Variants in KCNK17 observed in about 807,000 individuals in gnomAD.
KCNK17 encodes the protein potassium channel subfamily K member 17.
In KCNK17, 27 loss-of-function variants were observed where a neutral mutation model predicts 24.6. That is an observed-to-expected ratio of 1.10 (90% CI 0.81 to 1.51). The LOEUF is 1.51. Ranked by LOEUF, KCNK17 falls within the 40% of genes most tolerant of loss-of-function variation. The pLI is 0.00. For missense variants in KCNK17, 450 were observed against 436.6 expected (o/e 1.03, Z -0.27); for synonymous variants, 181 against 189.8 (o/e 0.95, Z 0.38).
intron 1 of KCNK17, among the ~76,000 whole-genome samples, chr6:39,312,233 G>A (rs1762152646): frequency 2.0e-5 from 3 of 152,214 alleles, no homozygotes; most frequent in Admixed American, 2.0e-4. Context: ...GCAGGGCTGG[G>A]AGGAGGAGGA....
intron 4 of KCNK17, chr6:39,300,487 C>G: frequency 6.4e-7 from 1 of 1,551,222 alleles, no homozygotes; most frequent in Non-Finnish European, 8.7e-7. Flanking sequence ...TTGCCAGTCT[C>G]TGTTTGGTTT....
Position 39,304,003 on chromosome 6 carries a change from G to A in KCNK17, c.642C>T (p.Phe214=), listed in dbSNP as rs140940240. The A allele has an allele frequency of 5.9e-4, 954 of 1,613,846 alleles. 3 individuals carry two copies. The African/African-American group carries it at 0.011, about 19-fold the overall frequency. The change falls in exon 4 of 5, where the codon TTC becomes TTT. Residue 214 remains phenylalanine, a synonymous_variant. Transcript: ENST00000373231. ...EGWSYTEGFY[F]AFITLSTVGF... is the part of the protein sequence containing the mutation. ...CCACGGTGCTGAGGGTGATGAAGGC[G>A]AAGTAGAAGCCCTCTGTGTAGCTCC...
intron 2 of KCNK17, among the ~76,000 whole-genome samples, chr6:39,307,184 T>C (rs1408888794): frequency 6.6e-6 from 1 of 151,882 alleles, no homozygotes; most frequent in Non-Finnish European, 1.5e-5. Context: ...CAGTGGGGGG[T>C]AATGATGAAA....
chr6:39,301,781 C>A (rs1761955602), intron 4 of KCNK17, among the ~76,000 whole-genome samples: 1 of 152,196 alleles, frequency 6.6e-6, no homozygotes, highest in Non-Finnish European at 1.5e-5. Context: ...AGCCTTCAGG[C>A]AGAGGAGTGG....
chr6:39,311,202 G>T (rs1048847263), intron 1 of KCNK17, among the ~76,000 whole-genome samples, 195 bp from the exon 2 acceptor site: 2 of 151,866 alleles, frequency 1.3e-5, no homozygotes, highest in African/African-American at 4.8e-5. Context: ...CTCTCACCAA[G>T]GGCTCACCAG....
Position 39,300,806 on chromosome 6 carries a change from G to A in KCNK17, c.689-1069C>T, listed in dbSNP as rs533919250. Among the ~76,000 whole-genome samples, 7 of 152,188 alleles carry A rather than the reference G, an allele frequency of 4.6e-5. No homozygotes were observed. The East Asian group carries it at 9.7e-4, about 21-fold the overall frequency. On this transcript the variant is annotated intron_variant, in intron 4 of 4. Coordinates refer to ENST00000373231, the MANE Select transcript of KCNK17 (RefSeq NM_031460.4). ...TACTTATGGCCTCTCGGCTCCAAATGCTCTTCATTTTCCATTTTTCTTGGC... is the reference window on the plus strand; with the variant it reads ...TACTTATGGCCTCTCGGCTCCAAATACTCTTCATTTTCCATTTTTCTTGGC...
At position 39,309,852 on chromosome 6, in the gene KCNK17, C is replaced by T. The variant is rs969652217; in HGVS notation, c.352+1041G>A. On this transcript the variant is annotated intron_variant, in intron 2 of 4. Transcript: ENST00000373231. ...GGATGTAAAGATGAATCGGCCCATCCTGCCAGTCCTTCAGGGGCTCAGGGC... is the reference window on the plus strand; with the variant it reads ...GGATGTAAAGATGAATCGGCCCATCTTGCCAGTCCTTCAGGGGCTCAGGGC... Among the ~76,000 whole-genome samples the T allele has an allele frequency of 2.6e-5, 4 of 152,330 alleles. No individual in the cohort carries two copies. The South Asian group carries it at 8.3e-4, about 32-fold the overall frequency.
At chr6:39,311,263 C>T (rs1762134982) in intron 1 of KCNK17, among the ~76,000 whole-genome samples, 1 of 152,174 alleles carries the variant, frequency 6.6e-6, no homozygotes, top group Non-Finnish European at 1.5e-5. Context: ...CACCCTTTAC[C>T]CAGTGGCTAG....
intron 4 of KCNK17, chr6:39,300,604 C>A (rs771997887): frequency 2.2e-6 from 3 of 1,375,698 alleles, no homozygotes; most frequent in Non-Finnish European, 2.0e-6. Flanking sequence ...CCTGTCTGAA[C>A]CTCCTTCACC....
intron 2 of KCNK17, among the ~76,000 whole-genome samples, chr6:39,308,789 G>C (rs1268601811): frequency 2.0e-5 from 3 of 152,218 alleles, no homozygotes; most frequent in Non-Finnish European, 2.9e-5. Flanking sequence ...GCTGCCCTCT[G>C]CTGAGCCTCT....
rs373787315 is a variant in KCNK17, at chr6:39,311,040, T to C, written c.238-33A>G. 6.8e-5 allele frequency: 92 copies of C among 1,361,684 alleles called. No individual in the cohort carries two copies. The Admixed American group carries it at 9.4e-4, about 14-fold the overall frequency. 84.4% of individuals were successfully genotyped at this position (1,361,684 alleles called of 1,614,324 possible). On this transcript the variant is annotated intron_variant, in intron 1 of 4. Transcript: ENST00000373231. ...AGAGGCTGCAATGACCACCAGGCTC[T>C]GTGGGGTGATGGATTTCCTGTACCC...
chr6:39,313,934 C>T, intron 1 of KCNK17, 150 bp downstream of exon 1: 1 of 599,982 alleles, frequency 1.7e-6, no homozygotes, highest in Admixed American at 3.5e-5. Context: ...AACGCCCACC[C>T]CCGTTGTGCC....
chr6:39,300,243 C>T, intron 4 of KCNK17: 1 of 534,308 alleles, frequency 1.9e-6, no homozygotes, highest in Non-Finnish European at 3.4e-6. Context: ...CTGCCTCAGC[C>T]TCCCGAGTAG....
intron 1 of KCNK17, among the ~76,000 whole-genome samples, chr6:39,311,978 T>A (rs1353473865): frequency 6.6e-6 from 1 of 152,152 alleles, no homozygotes; most frequent in Non-Finnish European, 1.5e-5. Flanking sequence ...ATCAGGTTTG[T>A]GTGCTCTGTG....
chr6:39,303,949 A>G lies in KCNK17; in HGVS notation c.688+8T>C, dbSNP rs377627563. Reference sequence around the variant, plus strand: ...GTCCCCGCCAGCCCAACCGCCAGGAACTCTCACCAATCACGTAGTCGCCGA... The same window carrying G: ...GTCCCCGCCAGCCCAACCGCCAGGAGCTCTCACCAATCACGTAGTCGCCGA... On this transcript the variant is annotated splice_region_variant and intron_variant, in intron 4 of 4. Coordinates refer to ENST00000373231, the MANE Select transcript of KCNK17 (RefSeq NM_031460.4). 1 of 1,610,142 alleles carries G rather than the reference A, an allele frequency of 6.2e-7. No individual in the cohort carries two copies. The highest frequency in any genetic ancestry group is 1.3e-5 in the African/African-American group (1 of 74,870).
At chr6:39,300,375 C>T (rs768742102) in intron 4 of KCNK17, 62 of 999,184 alleles carry the variant, frequency 6.2e-5, no homozygotes, top group South Asian at 5.1e-4. Flanking sequence ...CCACCTACCT[C>T]GGCCTCCCAA....
intron 4 of KCNK17, among the ~76,000 whole-genome samples, chr6:39,303,287 G>A (rs1172222543): frequency 1.3e-5 from 2 of 152,182 alleles, no homozygotes; most frequent in African/African-American, 4.8e-5. Context: ...GCACCTTCAG[G>A]GACAGGAAGG....
intron 1 of KCNK17, 89 bp from the exon 2 acceptor site, chr6:39,311,096 AC>A: frequency 3.5e-6 from 2 of 563,430 alleles, no homozygotes; most frequent in African/African-American, 5.4e-5. Flanking sequence ...ACACACACAC[AC>A]ACACACACAC....
At chr6:39,305,496 G>GT in intron 2 of KCNK17, among the ~76,000 whole-genome samples, 1 of 146,246 alleles carries the variant, frequency 6.8e-6, no homozygotes, top group South Asian at 2.1e-4. Context: ...GGTAGAAGTT[G>GT]GGGGGGTGGT....
Sources: allele counts gnomAD v4.1 joint callset (sites outside exome capture counted in the v4.1 genomes callset), GRCh38; gene constraint gnomAD v4.1.1; transcripts MANE v1.5; gene names NCBI Gene and HGNC (gene_info 2026-07-23, HGNC 2026-07-21).